DTX3L: variants seen among roughly 807,000 people sequenced by gnomAD.
The protein encoded by DTX3L is deltex E3 ubiquitin ligase 3L, also known as E3 ubiquitin-protein ligase DTX3L.
A neutral mutation model predicts 60.9 loss-of-function variants in DTX3L; 34 were observed. The ratio of observed to expected loss-of-function variants is 0.56; its 90% CI spans 0.42 to 0.74. The LOEUF is 0.74. Ranked by LOEUF, DTX3L falls within the 30% of genes least tolerant of loss-of-function variation. The probability of loss-of-function intolerance (pLI) is 0.00; values close to 1 mark genes in which losing one functional copy is unlikely to be tolerated. For missense variants in DTX3L, 810 were observed against 874.0 expected (o/e 0.93, Z 0.92); for synonymous variants, 290 against 316.6 (o/e 0.92, Z 0.89).
chr3:122,569,224 G>C lies in DTX3L; in HGVS notation c.1135G>C (p.Glu379Gln). Residue 379 changes from glutamate to glutamine, a missense_variant, in exon 3 of 5, where the codon GAG becomes CAG. Glu to Gln is a conservative substitution (Grantham distance 29). Coordinates refer to ENST00000296161, the MANE Select transcript of DTX3L (RefSeq NM_138287.3). ...TGCCAATTACATGATGAATGTAATTGAGGTTGATAGTGCCCACTATAAACT... is the reference window on the plus strand; with the variant it reads ...TGCCAATTACATGATGAATGTAATTCAGGTTGATAGTGCCCACTATAAACT... ...FAANYMMNVI[E>Q]VDSAHYKLLE... The C allele has an allele frequency of 6.2e-7, 1 of 1,614,182 alleles. No homozygotes were observed. The highest frequency in any genetic ancestry group is 8.5e-7 in the Non-Finnish European group (1 of 1,180,018).
chr3:122,570,517 T>C lies in DTX3L; in HGVS notation c.1998T>C (p.Asp666=). ...TACAGCGAACTGCATACTTGCCTGA[T>C]AATAAGGAAGGAAGGAAGGTTTTGA... ...PGIQRTAYLP[D]NKEGRKVLKL... is the part of the protein sequence containing the mutation. The change falls in exon 4 of 5, where the codon GAT becomes GAC. Residue 666 remains aspartate (D), a synonymous_variant. Coordinates refer to ENST00000296161, the MANE Select transcript of DTX3L (RefSeq NM_138287.3). 1 of 1,614,126 alleles carries C rather than the reference T, an allele frequency of 6.2e-7. No individual in the cohort carries two copies. Among genetic ancestry groups the C allele is most frequent in the South Asian group, 1.1e-5 (1 of 91,084 alleles).
chr3:122,570,375 T>A, intron 3 of DTX3L, 80 bp from the exon 4 acceptor site: 1 of 1,391,366 alleles, frequency 7.2e-7, no homozygotes. Flanking sequence ...TTGCTTTATC[T>A]ACAAATGAAC....
chr3:122,571,670 T>G lies in DTX3L; in HGVS notation c.2154-8T>G. On this transcript the variant is annotated splice_region_variant and splice_polypyrimidine_tract_variant and intron_variant, in intron 4 of 4. Transcript: ENST00000296161. The stretch of plus-strand genomic sequence containing the variant: ...GTGGTGACACTAAAGGAATTTTTGT[T>G]TCTTCAGGTATGGCTATCCTGATCC... The G allele has an allele frequency of 6.2e-7, 1 of 1,606,252 alleles. No individual in the cohort carries two copies. Among genetic ancestry groups the G allele is most frequent in the South Asian group, 1.1e-5 (1 of 90,106 alleles).
intron 1 of DTX3L, among the ~76,000 whole-genome samples, chr3:122,565,250 C>G (rs1340558299): frequency 6.6e-6 from 1 of 151,898 alleles, no homozygotes; most frequent in African/African-American, 2.4e-5. Context: ...CGGTGGCTCA[C>G]GCCTGTAATC....
At chr3:122,570,409 TAGAC>T (rs2080636591) in intron 3 of DTX3L, 42 bp from the exon 4 acceptor site, 1 of 1,589,178 alleles carries the variant, frequency 6.3e-7, no homozygotes, top group Non-Finnish European at 8.6e-7. Context: ...TAGTAAAAAT[TAGAC>T]AGGGCACTCT....
rs34698509 is a variant in DTX3L at position 122,571,953 on chromosome 3, C to T, written c.*206C>T. 37,266 of 386,160 alleles carry T rather than the reference C, an allele frequency of 0.097. 2,201 individuals carry two copies. Among genetic ancestry groups the T allele is most frequent in the Admixed American group, 0.15 (4,108 of 27,552 alleles). 23.9% of individuals were successfully genotyped at this position (386,160 alleles called of 1,614,324 possible). A position where few individuals can be genotyped will look rare whatever the true frequency, so the allele number is the denominator to read the frequency against. ...GAGACGGAGTCTGCTCTGTCGCTCG[C>T]GCTGGAGTGCAGTGGCATGATCTCG... On this transcript the variant is annotated 3_prime_UTR_variant, in exon 5 of 5. Transcript: ENST00000296161.
chr3:122,570,126 A>T, intron 3 of DTX3L, 102 bp downstream of exon 3: 1 of 1,274,294 alleles, frequency 7.8e-7, no homozygotes. Flanking sequence ...TTCCCAAGGA[A>T]TTATCTCCAG....
chr3:122,571,593 A>G (rs2080646185), intron 4 of DTX3L, 85 bp from the exon 5 acceptor site: 3 of 1,026,262 alleles, frequency 2.9e-6, no homozygotes, highest in Admixed American at 4.6e-5. Context: ...AACACTGGAT[A>G]TTAATTAAAT....
At position 122,569,593 on chromosome 3, in the gene DTX3L, G is replaced by C; in HGVS notation, c.1504G>C (p.Ala502Pro). 1 of 1,614,208 alleles carries C rather than the reference G, an allele frequency of 6.2e-7. No individual in the cohort carries two copies. Among genetic ancestry groups the C allele is most frequent in the Non-Finnish European group, 8.5e-7 (1 of 1,180,040 alleles). ...LTGLPNHLAK[A>P]KQYVLKGGGM... is the part of the protein sequence containing the mutation. ...TGGTTTGCCAAATCACCTTGCAAAGGCGAAGCAGTATGTTCTAAAAGGAGG... is the reference window on the plus strand; with the variant it reads ...TGGTTTGCCAAATCACCTTGCAAAGCCGAAGCAGTATGTTCTAAAAGGAGG... Residue 502 changes from alanine (A) to proline (P), a missense_variant, in exon 3 of 5, where the codon GCG (alanine) becomes CCG (proline). Physicochemically the swap from Ala to Pro is conservative, Grantham distance 27. Coordinates refer to ENST00000296161, the MANE Select transcript of DTX3L (RefSeq NM_138287.3).
At chr3:122,570,117 T>C in intron 3 of DTX3L, 93 bp downstream of exon 3, 1 of 1,333,588 alleles carries the variant, frequency 7.5e-7, no homozygotes, top group Middle Eastern at 1.8e-4. Context: ...ACAATAGATT[T>C]CCCAAGGAAT....
chr3:122,569,647 T>G lies in DTX3L; in HGVS notation c.1558T>G (p.Leu520Val). Residue 520 changes from leucine to valine, a missense_variant, in exon 3 of 5, where the codon TTG becomes GTG. Leu to Val is a conservative substitution (Grantham distance 32). Transcript: ENST00000296161. ...GGMSSLAGKK[L>V]KEGHETPMDI... The stretch of plus-strand genomic sequence containing the variant: ...AATGTCTTCATTGGCTGGAAAGAAA[T>G]TGAAAGAGGGTCATGAAACACCGAT... 6.2e-7 allele frequency: 1 copy of G among 1,614,022 alleles called. No individual in the cohort carries two copies. The highest frequency in any genetic ancestry group is 8.5e-7 in the Non-Finnish European group (1 of 1,180,000).
At chr3:122,566,173 A>T in intron 2 of DTX3L, 103 bp downstream of exon 2, 1 of 982,780 alleles carries the variant, frequency 1.0e-6, no homozygotes, top group Non-Finnish European at 1.5e-6. Context: ...CGTACATGGG[A>T]GCCAGGCACT....
rs1013085739 is a variant in DTX3L at position 122,568,001 on chromosome 3, G to A, written c.400-488G>A. On this transcript the variant is annotated intron_variant, in intron 2 of 4. Transcript: ENST00000296161. Reference sequence around the variant, plus strand: ...GGGCTGAGAACCTCTGGGATGTAGCGTGCTGTATCCTCTAAAAAGGATTTG... The same window carrying A: ...GGGCTGAGAACCTCTGGGATGTAGCATGCTGTATCCTCTAAAAAGGATTTG... Among the ~76,000 whole-genome samples, 5 of 152,136 alleles carry A rather than the reference G, an allele frequency of 3.3e-5. No homozygotes were observed. In the East Asian group the frequency reaches 5.8e-4, roughly 18 times the overall value.
At position 122,573,753 on chromosome 3, in the gene DTX3L, T is replaced by C. The variant is rs1422485500; in HGVS notation, c.*2006T>C. ...TGCCCTGCCACAGTAATGCTATATA[T>C]TTCTGAGCATTGTTTTTCTCTAGAT... On this transcript the variant is annotated 3_prime_UTR_variant, in exon 5 of 5. Coordinates refer to ENST00000296161, the MANE Select transcript of DTX3L (RefSeq NM_138287.3). The C allele has an allele frequency of 1.3e-5, 2 of 152,284 alleles. No homozygotes were observed. Among genetic ancestry groups the C allele is most frequent in the African/African-American group, 4.8e-5 (2 of 41,468 alleles). 9.4% of individuals were successfully genotyped at this position (152,284 alleles called of 1,614,324 possible).
chr3:122,570,068 G>A (rs561751306), intron 3 of DTX3L, 44 bp downstream of exon 3: 55 of 1,584,206 alleles, frequency 3.5e-5, no homozygotes, highest in Middle Eastern at 1.7e-4. Flanking sequence ...ACTATGCTAC[G>A]ATTACCAGGG....
chr3:122,569,566 A>G lies in DTX3L; in HGVS notation c.1477A>G (p.Thr493Ala), dbSNP rs759383478. ...FVLNQESMTL[T>A]GLPNHLAKAK... is the part of the protein sequence containing the mutation. Reference sequence around the variant, plus strand: ...GCTAAATCAAGAGTCAATGACTTTGACTGGTTTGCCAAATCACCTTGCAAA... The same window carrying G: ...GCTAAATCAAGAGTCAATGACTTTGGCTGGTTTGCCAAATCACCTTGCAAA... The change falls in exon 3 of 5, where the codon ACT becomes GCT. Residue 493 changes from threonine (T) to alanine (A), a missense_variant. Thr to Ala is a moderately conservative substitution (Grantham distance 58). Coordinates refer to ENST00000296161, the MANE Select transcript of DTX3L (RefSeq NM_138287.3). The G allele has an allele frequency of 4.3e-6, 7 of 1,614,228 alleles. No homozygotes were observed. Among genetic ancestry groups the G allele is most frequent in the Non-Finnish European group, 5.9e-6 (7 of 1,180,042 alleles).
chr3:122,564,602 G>T lies in DTX3L; in HGVS notation c.176G>T (p.Ser59Ile), dbSNP rs1328788161. 1.2e-5 allele frequency: 19 copies of T among 1,596,890 alleles called. No homozygotes were observed. The highest frequency in any genetic ancestry group is 1.6e-5 in the Non-Finnish European group (19 of 1,172,522). The change falls in exon 1 of 5, where the codon AGT (serine) becomes ATT (isoleucine). Residue 59 changes from serine (S) to isoleucine (I), a missense_variant. Physicochemically the swap from Ser to Ile is moderately radical, Grantham distance 142. Coordinates refer to ENST00000296161, the MANE Select transcript of DTX3L (RefSeq NM_138287.3). ...CCGGGCACCTTCCGGGTGGAGTTCAGTGAAAGGGCAGGTGAGCTTCGGGCG... is the reference window on the plus strand; with the variant it reads ...CCGGGCACCTTCCGGGTGGAGTTCATTGAAAGGGCAGGTGAGCTTCGGGCG... ...EAPGTFRVEFSERAAKERVLK... is the reference protein window; with the variant it reads ...EAPGTFRVEFIERAAKERVLK...
At chr3:122,565,212 G>T (rs888065306) in intron 1 of DTX3L, among the ~76,000 whole-genome samples, 1 of 151,966 alleles carries the variant, frequency 6.6e-6, no homozygotes, top group African/African-American at 2.4e-5. Context: ...TGTATAATGA[G>T]TATTGAAATG....
intron 4 of DTX3L, among the ~76,000 whole-genome samples, chr3:122,571,118 G>A (rs987543085): frequency 6.6e-6 from 1 of 152,048 alleles, no homozygotes; most frequent in African/African-American, 2.4e-5. Flanking sequence ...GGTAGAAACT[G>A]TATTATACGA....
Sources: allele counts gnomAD v4.1 joint callset (sites outside exome capture counted in the v4.1 genomes callset), GRCh38; gene constraint gnomAD v4.1.1; transcripts MANE v1.5; gene names NCBI Gene and HGNC (gene_info 2026-07-23, HGNC 2026-07-21).